SDK2: variants seen among roughly 807,000 people sequenced by gnomAD.
The protein encoded by SDK2 is sidekick cell adhesion molecule 2, also known as protein sidekick-2.
A neutral mutation model predicts 253.9 loss-of-function variants in SDK2; 105 were observed. The observed-to-expected ratio is 0.41, with a 90% CI of 0.35 to 0.49. SDK2 has a LOEUF of 0.49. Ranked by LOEUF, SDK2 falls within the 20% of genes least tolerant of loss-of-function variation. SDK2 has a pLI of 0.06. For synonymous variants in SDK2, 1,249 were observed against 1,234.9 expected (o/e 1.01, Z -0.24); for missense variants, 2,608 against 3,003.0 (o/e 0.87, Z 3.07).
In SDK2 at chr17:73,398,437, A is replaced by G; in HGVS notation, c.3094-8T>C. On this transcript the variant is annotated splice_region_variant and splice_polypyrimidine_tract_variant and intron_variant, in intron 22 of 44. Coordinates refer to ENST00000392650, the MANE Select transcript of SDK2 (RefSeq NM_001144952.2). ...CTCCCCAACCACGCCTACCTGGAAA[A>G]GGGCAGGATCTTAGGCCTGTCCAGC... The G allele has an allele frequency of 1.2e-6, 2 of 1,611,814 alleles. No individual in the cohort carries two copies. Among genetic ancestry groups the G allele is most frequent in the Non-Finnish European group, 1.7e-6 (2 of 1,178,230 alleles).
chr17:73,414,796 GC>G, intron 17 of SDK2, 37 bp from the exon 18 acceptor site: 1 of 1,311,878 alleles, frequency 7.6e-7, no homozygotes, highest in Non-Finnish European at 1.1e-6. Flanking sequence ...GGTGGAGGGG[GC>G]CCAGTCAGTC....
At chr17:73,411,103 G>A (rs11650320) in intron 18 of SDK2, among the ~76,000 whole-genome samples, 104,976 of 151,968 alleles carry the variant, frequency 0.69, 36,997 homozygotes, top group African/African-American at 0.78. Flanking sequence ...AGAGTTTTCC[G>A]GCAGCGAGTG....
intron 1 of SDK2, among the ~76,000 whole-genome samples, chr17:73,568,584 AAAG>A (rs1193642035): frequency 6.6e-6 from 1 of 152,212 alleles, no homozygotes; most frequent in African/African-American, 2.4e-5. Flanking sequence ...AACCAGCAGA[AAAG>A]AAGACTTTAA....
chr17:73,373,383 A>G (rs574719298), intron 36 of SDK2, among the ~76,000 whole-genome samples: 1 of 152,350 alleles, frequency 6.6e-6, no homozygotes, highest in South Asian at 2.1e-4. Flanking sequence ...AATACCCAGT[A>G]GTGGGATTGC....
At position 73,534,301 on chromosome 17, in the gene SDK2, G is replaced by T. The variant is rs2064196517; in HGVS notation, c.65-26704C>A. Among the ~76,000 whole-genome samples, 2 of 152,214 alleles carry T rather than the reference G, an allele frequency of 1.3e-5. No individual in the cohort carries two copies. Among genetic ancestry groups the T allele is most frequent in the African/African-American group, 4.8e-5 (2 of 41,444 alleles). ...GGTCCGCTGCTGGGGGAAGGGGAGT[G>T]GCATTAAATAGCTGGCGGCAGGGAG... On this transcript the variant is annotated intron_variant, in intron 1 of 44. Transcript: ENST00000392650. This position sits in a 1 kb window ranked among gnomAD's most constrained non-coding sequence, Gnocchi z 4.9.
intron 11 of SDK2, 92 bp from the exon 12 acceptor site, chr17:73,430,705 G>T (rs902058209): frequency 1.4e-5 from 11 of 806,532 alleles, no homozygotes; most frequent in Non-Finnish European, 2.0e-5. Context: ...GCCCCCAAAT[G>T]GTTAAAAAGA....
Position 73,643,617 on chromosome 17 carries a change from C to A in SDK2, c.64+408G>T, listed in dbSNP as rs1429561545. On this transcript the variant is annotated intron_variant, in intron 1 of 44. Transcript: ENST00000392650. The surrounding 1 kb of genome is among the most constrained non-coding windows in gnomAD (Gnocchi z 6.9). Reference sequence around the variant, plus strand: ...CCTGCCCGGCAGGGGCCCTGCCCTTCCCCGCAGACACCGAGCAGGGAACCA... The same window carrying A: ...CCTGCCCGGCAGGGGCCCTGCCCTTACCCGCAGACACCGAGCAGGGAACCA... 6.6e-6 allele frequency among the ~76,000 whole-genome samples: 1 copy of A among 152,146 alleles called. No homozygotes were observed. The highest frequency in any genetic ancestry group is 1.9e-4 in the East Asian group (1 of 5,160).
chr17:73,591,995 G>C (rs1449914328), intron 1 of SDK2, among the ~76,000 whole-genome samples: 1 of 152,202 alleles, frequency 6.6e-6, no homozygotes, highest in Non-Finnish European at 1.5e-5. Context: ...TACGTGCTAT[G>C]AATGCACCTT....
chr17:73,416,249 C>G (rs547976600), intron 16 of SDK2, among the ~76,000 whole-genome samples: 1 of 132,668 alleles, frequency 7.5e-6, no homozygotes, highest in Non-Finnish European at 1.5e-5. Flanking sequence ...CAGGCTGGAG[C>G]GCAGTGGCGC....
intron 1 of SDK2, among the ~76,000 whole-genome samples, chr17:73,592,198 G>A (rs917396435): frequency 6.6e-6 from 1 of 152,202 alleles, no homozygotes; most frequent in Non-Finnish European, 1.5e-5. Flanking sequence ...AAGCATCATG[G>A]GCTGCAGGCC....
intron 12 of SDK2, among the ~76,000 whole-genome samples, chr17:73,430,155 C>T (rs1347487943): frequency 6.6e-6 from 1 of 152,194 alleles, no homozygotes; most frequent in African/African-American, 2.4e-5. Flanking sequence ...CTAGCAGTGG[C>T]GTCCAGGGCC....
intron 1 of SDK2, among the ~76,000 whole-genome samples, chr17:73,548,655 C>T (rs911042921): frequency 2.0e-5 from 3 of 152,202 alleles, no homozygotes; most frequent in Non-Finnish European, 1.5e-5. Flanking sequence ...GTGCCCTGCT[C>T]CCAGGAGGCC....
intron 3 of SDK2, among the ~76,000 whole-genome samples, chr17:73,468,856 A>T (rs1418977250): frequency 2.9e-5 from 4 of 139,338 alleles, no homozygotes; most frequent in Non-Finnish European, 6.2e-5. Context: ...ATGGAGTCTC[A>T]CTCTTTCGCC....
chr17:73,418,010 G>GTTTTTTTTTTTTTTTTTT (rs397689294), intron 16 of SDK2, among the ~76,000 whole-genome samples: 7 of 128,260 alleles, frequency 5.5e-5, no homozygotes, highest in Non-Finnish European at 6.4e-5. Context: ...TCCTAGATGA[G>GTTTTTTTTTTTTTTTTTT]TTTTTTTTTT....
rs981762475 is a variant in SDK2 at position 73,379,500 on chromosome 17, A to G, written c.4812T>C (p.Ala1604=). The G allele has an allele frequency of 5.0e-6, 8 of 1,610,948 alleles. No individual in the cohort carries two copies. The Admixed American group carries it at 1.0e-4, about 20-fold the overall frequency. Residue 1604 remains alanine (A), a synonymous_variant, in exon 35 of 45, where the codon GCT becomes GCC. Transcript: ENST00000392650. This position sits in a 1 kb window ranked among gnomAD's most constrained non-coding sequence, Gnocchi z 4.5. ...RYEIRMSVYN[A]VGEGPSSPPQ... ...GGGGGCTGGAGGGCCCCTCACCCAC[A>G]GCGTTGTACACGCTCATCCGTATCT...
rs1307203960 is a variant in SDK2 at position 73,419,162 on chromosome 17, C to G, written c.2186+4G>C. The G allele has an allele frequency of 6.2e-7, 1 of 1,611,352 alleles. No individual in the cohort carries two copies. ...GGGCTCCTGTCCCCAGGGTGGACAC[C>G]CACCTGATGATGTAACCCTTGAGAA... On this transcript the variant is annotated splice_donor_region_variant and intron_variant, in intron 16 of 44. Transcript: ENST00000392650.
intron 1 of SDK2, among the ~76,000 whole-genome samples, chr17:73,577,248 C>G (rs2045469873): frequency 6.6e-6 from 1 of 152,212 alleles, no homozygotes; most frequent in Admixed American, 6.5e-5. Flanking sequence ...CATAAAGAGA[C>G]CTGTAAAGTC....
At chr17:73,601,740 A>G (rs1206473388) in intron 1 of SDK2, among the ~76,000 whole-genome samples, 1 of 147,790 alleles carries the variant, frequency 6.8e-6, no homozygotes, top group Non-Finnish European at 1.5e-5. Context: ...AGACTCCAGA[A>G]CTGTTTTTTT....
At chr17:73,567,487 T>C (rs2045328319) in intron 1 of SDK2, among the ~76,000 whole-genome samples, 1 of 152,266 alleles carries the variant, frequency 6.6e-6, no homozygotes, top group East Asian at 1.9e-4. Context: ...ACCGGGACAC[T>C]GCCTGGTGAA....
Sources: allele counts gnomAD v4.1 joint callset (sites outside exome capture counted in the v4.1 genomes callset), GRCh38; gene constraint gnomAD v4.1.1; non-coding constraint Gnocchi (gnomAD v3.1); transcripts MANE v1.5; gene names NCBI Gene and HGNC (gene_info 2026-07-23, HGNC 2026-07-21).